The following PHACTR3 variants were observed in gnomAD, a reference collection of about 807,000 sequenced individuals.
PHACTR3 encodes the protein phosphatase and actin regulator 3.
A neutral mutation model predicts 66.8 loss-of-function variants in PHACTR3; 16 were observed. That is an observed-to-expected ratio of 0.24 (90% CI 0.16 to 0.36). PHACTR3 has a LOEUF of 0.36. Ranked by LOEUF, PHACTR3 falls within the 10% of genes least tolerant of loss-of-function variation. PHACTR3 has a pLI of 1.00. For missense variants in PHACTR3, 647 were observed against 719.9 expected, an observed-to-expected ratio of 0.90 and a Z score of 1.16; for synonymous variants, 323 against 292.1, an observed-to-expected ratio of 1.11 and a Z score of -1.08.
chr20:59,678,837 G>A (rs967822459), intron 1 of PHACTR3, among the ~76,000 whole-genome samples: 11 of 152,090 alleles, frequency 7.2e-5, no homozygotes, highest in South Asian at 6.2e-4. Context: ...TCCTTCTGCC[G>A]GACCAGAAGG....
chr20:59,841,461 G>T lies in PHACTR3; in HGVS notation c.1513G>T (p.Val505Leu). The change falls in exon 11 of 13, where the codon GTG becomes TTG. Residue 505 changes from valine to leucine, a missense_variant. Physicochemically the swap from Val to Leu is conservative, Grantham distance 32. Coordinates refer to ENST00000371015, the MANE Select transcript of PHACTR3 (RefSeq NM_080672.5). ...RKILIRFSDY[V>L]EVAKAQDYDR... ...AATTCTGATACGATTCAGTGATTAC[G>T]TGGAAGTAGCAAAAGCGCAGGACTA... is the stretch of plus-strand genomic sequence containing the variant. 1 of 1,613,654 alleles carries T rather than the reference G, an allele frequency of 6.2e-7. No individual in the cohort carries two copies. The highest frequency in any genetic ancestry group is 1.1e-5 in the South Asian group (1 of 91,030).
At chr20:59,837,864 C>T (rs2058992601) in intron 9 of PHACTR3, among the ~76,000 whole-genome samples, 1 of 152,166 alleles carries the variant, frequency 6.6e-6, no homozygotes, top group Admixed American at 6.5e-5. Flanking sequence ...ACCTTTAACC[C>T]AGGAACCATG....
Position 59,847,378 on chromosome 20 carries a change from A to ACTCTATCAGAAGAAAACTGTTGT in PHACTR3, c.*249_*271dup, listed in dbSNP as rs1347025834. On this transcript the variant is annotated 3_prime_UTR_variant, in exon 13 of 13. Transcript: ENST00000371015. ...TTGGGGTCAGTTAAGACCCAACATA[A>ACTCTATCAGAAGAAAACTGTTGT]CTCTATCAGAAGAAAACTGTTGTTT... 1.4e-5 allele frequency: 5 copies of ACTCTATCAGAAGAAAACTGTTGT among 368,708 alleles called. No individual in the cohort carries two copies. The highest frequency in any genetic ancestry group is 4.0e-5 in the Admixed American group (1 of 25,026). The allele number at this position is 368,708 out of a possible 1,614,324, so 22.8% of individuals were successfully genotyped here.
In PHACTR3 at chr20:59,738,076, G is replaced by A. The variant is rs909414445; in HGVS notation, c.119-5031G>A. Among the ~76,000 whole-genome samples the A allele has an allele frequency of 5.3e-5, 8 of 152,026 alleles. No individual in the cohort carries two copies. Among genetic ancestry groups the A allele is most frequent in the African/African-American group, 9.7e-5 (4 of 41,422 alleles). ...GTGATGGTGGTAGGGAGGGGGAGGC[G>A]CCACTGCCCCTCCTGCCCACCTTCC... On this transcript the variant is annotated intron_variant, in intron 1 of 12. Coordinates refer to ENST00000371015, the MANE Select transcript of PHACTR3 (RefSeq NM_080672.5). This position sits in a 1 kb window ranked among gnomAD's most constrained non-coding sequence, Gnocchi z 4.4.
At chr20:59,606,508 A>G (rs2033676163) in intron 1 of PHACTR3, among the ~76,000 whole-genome samples, 1 of 152,132 alleles carries the variant, frequency 6.6e-6, no homozygotes, top group African/African-American at 2.4e-5. Context: ...GTTTTAATTA[A>G]TCCTTTTACT....
At chr20:59,756,527 G>T (rs1025841322) in intron 4 of PHACTR3, among the ~76,000 whole-genome samples, 3 of 152,146 alleles carry the variant, frequency 2.0e-5, no homozygotes, top group Non-Finnish European at 4.4e-5. Context: ...CTCTTCGGGG[G>T]TGGCCGTGTC....
chr20:59,766,853 G>T (rs941893609), intron 4 of PHACTR3, among the ~76,000 whole-genome samples: 3 of 152,222 alleles, frequency 2.0e-5, no homozygotes, highest in African/African-American at 7.2e-5. Flanking sequence ...TAAATTCAGA[G>T]ACCACTTGAG....
intron 10 of PHACTR3, among the ~76,000 whole-genome samples, chr20:59,840,668 T>G (rs1413085829): frequency 1.3e-5 from 2 of 152,246 alleles, no homozygotes; most frequent in East Asian, 3.8e-4. Flanking sequence ...AGGTGCACAA[T>G]GCACATGACA....
At chr20:59,737,889 C>T (rs2039009654) in intron 1 of PHACTR3, among the ~76,000 whole-genome samples, 1 of 152,138 alleles carries the variant, frequency 6.6e-6, no homozygotes, top group Non-Finnish European at 1.5e-5. Flanking sequence ...GTGCAGTCTC[C>T]TCAGTGGCCA....
intron 1 of PHACTR3, among the ~76,000 whole-genome samples, chr20:59,703,457 G>A (rs1192816011): frequency 6.6e-6 from 1 of 152,138 alleles, no homozygotes; most frequent in East Asian, 1.9e-4. Flanking sequence ...ACCAGCCCAG[G>A]GGAAACCTAG....
intron 1 of PHACTR3, among the ~76,000 whole-genome samples, chr20:59,725,873 C>T (rs1000914287): frequency 6.6e-6 from 1 of 152,120 alleles, no homozygotes; most frequent in Non-Finnish European, 1.5e-5. Context: ...TAGGGGTGCC[C>T]TTAGGGGCAA....
intron 1 of PHACTR3, among the ~76,000 whole-genome samples, chr20:59,693,384 G>A (rs963640937): frequency 2.0e-5 from 3 of 152,128 alleles, no homozygotes; most frequent in African/African-American, 7.2e-5. Context: ...AGGGTAGTCT[G>A]TTTCATTTGG....
At chr20:59,642,975 G>A (rs1261481677) in intron 1 of PHACTR3, among the ~76,000 whole-genome samples, 5 of 152,094 alleles carry the variant, frequency 3.3e-5, no homozygotes, top group African/African-American at 1.2e-4. Context: ...GCAGTGGCAC[G>A]ATCTTGGCTC....
At chr20:59,656,702 C>G (rs1003893986) in intron 1 of PHACTR3, among the ~76,000 whole-genome samples, 1 of 151,536 alleles carries the variant, frequency 6.6e-6, no homozygotes, top group African/African-American at 2.4e-5. Flanking sequence ...ATCTCTCATG[C>G]CTTTTTTGTT....
At chr20:59,690,702 T>C (rs998064249) in intron 1 of PHACTR3, among the ~76,000 whole-genome samples, 1 of 152,178 alleles carries the variant, frequency 6.6e-6, no homozygotes, top group African/African-American at 2.4e-5. Context: ...AAGCATCTCA[T>C]GGTGGAATAG....
chr20:59,599,757 C>G (rs1157128445), upstream of PHACTR3, among the ~76,000 whole-genome samples: 5 of 152,208 alleles, frequency 3.3e-5, no homozygotes, highest in African/African-American at 9.7e-5. Flanking sequence ...CCCCGTAGCT[C>G]ATCCATCACA....
intron 7 of PHACTR3, 66 bp from the exon 8 acceptor site, chr20:59,805,975 C>A: frequency 3.3e-6 from 5 of 1,530,602 alleles, no homozygotes; most frequent in Non-Finnish European, 4.4e-6. Flanking sequence ...ATTGACAAGC[C>A]AGCCCTCCGC....
intron 1 of PHACTR3, among the ~76,000 whole-genome samples, chr20:59,612,083 G>A (rs550691104): frequency 5.9e-5 from 9 of 152,230 alleles, no homozygotes; most frequent in Non-Finnish European, 1.2e-4. Context: ...CTTTAGCCAG[G>A]GCAGCATATA....
At chr20:59,598,136 C>A (rs1250162822) in intron 1 of PHACTR3, among the ~76,000 whole-genome samples, 1 of 152,206 alleles carries the variant, frequency 6.6e-6, no homozygotes, top group Non-Finnish European at 1.5e-5. Flanking sequence ...TCTGCCTTCC[C>A]TGTCGAAAGC....
Sources: gnomAD v4.1 joint callset for allele counts (sites outside exome capture counted in the v4.1 genomes callset) on GRCh38, gnomAD v4.1.1 for gene constraint, Gnocchi (gnomAD v3.1) non-coding constraint, MANE v1.5 for transcripts, NCBI Gene and HGNC (gene_info 2026-07-23, HGNC 2026-07-21) for gene names.